CACNA1C: variants seen among roughly 807,000 people sequenced by gnomAD.
CACNA1C encodes voltage-dependent L-type calcium channel subunit alpha-1C.
CACNA1C carries 30 observed loss-of-function variants against 229.0 expected under a neutral mutation model. The ratio of observed to expected loss-of-function variants is 0.13; its 90% confidence interval spans 0.10 to 0.18. The LOEUF (loss-of-function observed/expected upper bound fraction) is 0.18. CACNA1C is among the 10% of genes least tolerant of loss of function. The probability of loss-of-function intolerance (pLI) is 1.00; values close to 1 mark genes in which losing one functional copy is unlikely to be tolerated. For missense variants in CACNA1C, 1,658 were observed against 2,845.0 expected, an observed-to-expected ratio of 0.58 and a Z score of 9.49; for synonymous variants, 1,114 against 1,132.5, an observed-to-expected ratio of 0.98 and a Z score of 0.33.
chr12:2,156,481 T>C (rs2154233497), intron 3 of CACNA1C, among the ~76,000 whole-genome samples: 1 of 152,390 alleles, frequency 6.6e-6, no homozygotes, highest in East Asian at 1.9e-4. Context: ...CCGGTGTTTA[T>C]TTGTTCATTT....
intron 3 of CACNA1C, among the ~76,000 whole-genome samples, chr12:2,358,638 C>G (rs992351309): frequency 2.0e-5 from 3 of 152,144 alleles, no homozygotes; most frequent in Admixed American, 2.0e-4. Context: ...TGACGAGTTT[C>G]TAAGTGCACT....
chr12:2,263,441 C>T (rs577688341), intron 3 of CACNA1C, among the ~76,000 whole-genome samples: 14 of 151,818 alleles, frequency 9.2e-5, no homozygotes, highest in Non-Finnish European at 1.0e-4. Flanking sequence ...GACTGTGGTG[C>T]TAACTTGGGG....
intron 3 of CACNA1C, among the ~76,000 whole-genome samples, chr12:2,390,299 G>A (rs2098460933): frequency 6.6e-6 from 1 of 152,166 alleles, no homozygotes; most frequent in South Asian, 2.1e-4. Flanking sequence ...GTGTAAATGA[G>A]GACTGTCCTG....
chr12:2,213,443 T>C (rs1339312460), intron 3 of CACNA1C, among the ~76,000 whole-genome samples: 2 of 151,892 alleles, frequency 1.3e-5, no homozygotes, highest in African/African-American at 4.8e-5. Flanking sequence ...AGGGCTGGGG[T>C]GAGGAGGAGG....
chr12:2,098,991 T>C (rs1299134205), intron 1 of CACNA1C, among the ~76,000 whole-genome samples: 1 of 152,164 alleles, frequency 6.6e-6, no homozygotes, highest in Non-Finnish European at 1.5e-5. Flanking sequence ...GCCGTAGAGC[T>C]AGGGCCTGCT....
chr12:2,684,943 G>A (rs1603461093), intron 43 of CACNA1C, among the ~76,000 whole-genome samples: 1 of 152,338 alleles, frequency 6.6e-6, no homozygotes, highest in Non-Finnish European at 1.5e-5. Flanking sequence ...GGACCAGTGA[G>A]TCAGTGGTCT....
chr12:2,178,738 C>T (rs944124664), intron 3 of CACNA1C, among the ~76,000 whole-genome samples: 2 of 152,114 alleles, frequency 1.3e-5, no homozygotes, highest in African/African-American at 4.8e-5. Flanking sequence ...GATTTCTTCC[C>T]CCGTACAAAT....
intron 29 of CACNA1C, among the ~76,000 whole-genome samples, chr12:2,622,788 AC>A (rs1225544836): frequency 1.3e-5 from 2 of 151,838 alleles, no homozygotes; most frequent in Admixed American, 1.3e-4. Flanking sequence ...TCTGCCCACC[AC>A]CCACCACCTC....
intron 3 of CACNA1C, among the ~76,000 whole-genome samples, chr12:2,261,236 A>AC (rs1317521847): frequency 5.9e-5 from 9 of 152,174 alleles, no homozygotes; most frequent in African/African-American, 2.2e-4. Context: ...CGTCTCAAAA[A>AC]AAAAAACAAA....
At chr12:2,089,274 T>G (rs10735007) in intron 1 of CACNA1C, among the ~76,000 whole-genome samples, 151,703 of 152,352 alleles carry the variant, frequency 1, 75,532 homozygotes, top group East Asian at 1. Flanking sequence ...GGTAAGCCAT[T>G]GATGTGGGGG....
At chr12:2,361,566 A>T (rs2097559480) in intron 3 of CACNA1C, among the ~76,000 whole-genome samples, 1 of 152,032 alleles carries the variant, frequency 6.6e-6, no homozygotes. Flanking sequence ...GAGTTCTAGC[A>T]GCCACTTTGG....
chr12:2,126,992 C>G (rs976878311), intron 3 of CACNA1C, among the ~76,000 whole-genome samples: 1 of 152,206 alleles, frequency 6.6e-6, no homozygotes, highest in Non-Finnish European at 1.5e-5. Context: ...TTTTTGGCAG[C>G]TGTGACCCAG....
chr12:2,135,727 A>C (rs1385818963), intron 3 of CACNA1C, among the ~76,000 whole-genome samples: 1 of 146,194 alleles, frequency 6.8e-6, no homozygotes, highest in Non-Finnish European at 1.5e-5. Context: ...AGACAGGGAC[A>C]TTTAAGTCTG....
chr12:2,005,745 A>G (rs2043294711), intron 1 of CACNA1C, among the ~76,000 whole-genome samples: 1 of 152,260 alleles, frequency 6.6e-6, no homozygotes, highest in African/African-American at 2.4e-5. Context: ...CCAATGTCTC[A>G]TGCTACATAA....
intron 15 of CACNA1C, among the ~76,000 whole-genome samples, chr12:2,583,741 G>A (rs1161149391): frequency 6.6e-6 from 1 of 152,194 alleles, no homozygotes; most frequent in Non-Finnish European, 1.5e-5. Context: ...AGGGTCGTTG[G>A]GAGTTTTCAT....
At chr12:2,289,443 A>G (rs2093191920) in intron 3 of CACNA1C, among the ~76,000 whole-genome samples, 1 of 152,168 alleles carries the variant, frequency 6.6e-6, no homozygotes, top group South Asian at 2.1e-4. Context: ...TTCCTGTGGA[A>G]ATCTACGGGG....
rs1174520916 is a variant in CACNA1C, at chr12:2,633,752, C to A, written c.3829-545C>A. 1 of 1,035,752 alleles carries A rather than the reference C, an allele frequency of 9.7e-7. No individual in the cohort carries two copies. The highest frequency in any genetic ancestry group is 2.4e-5 in the East Asian group (1 of 41,856). The allele number at this position is 1,035,752 out of a possible 1,614,324, so 64.2% of individuals were successfully genotyped here. On this transcript the variant is annotated intron_variant, in intron 29 of 46. Coordinates refer to ENST00000399655, the MANE Select transcript of CACNA1C (RefSeq NM_000719.7). This position sits in a 1 kb window ranked among gnomAD's most constrained non-coding sequence, Gnocchi z 5.8. ...GCCCTCCCCAGGAAACCTCCTCATT[C>A]CTCCTCCTCTGCCTCGTCTATTTCT...
chr12:2,652,885 C>T (rs1328778107), intron 32 of CACNA1C, among the ~76,000 whole-genome samples: 4 of 89,160 alleles, frequency 4.5e-5, no homozygotes, highest in Admixed American at 1.5e-4. Context: ...AGTTGCCATA[C>T]TCTCCCTGCC....
At chr12:2,371,656 C>G (rs780032329) in intron 3 of CACNA1C, among the ~76,000 whole-genome samples, 8 of 150,212 alleles carry the variant, frequency 5.3e-5, no homozygotes, top group Non-Finnish European at 1.0e-4. Flanking sequence ...TTCTTAAGCC[C>G]GATGGTACAG....
Sources: gnomAD v4.1 joint callset for allele counts (sites outside exome capture counted in the v4.1 genomes callset) on GRCh38, gnomAD v4.1.1 for gene constraint, Gnocchi (gnomAD v3.1) non-coding constraint, MANE v1.5 for transcripts, NCBI Gene and HGNC (gene_info 2026-07-23, HGNC 2026-07-21) for gene names.